The following PJA2 variants were observed in gnomAD, a reference collection of about 807,000 sequenced individuals.
PJA2 encodes the protein praja ring finger ubiquitin ligase 2.
A neutral mutation model predicts 69.3 loss-of-function variants in PJA2; 25 were observed. The observed-to-expected ratio is 0.36, with a 90% CI of 0.26 to 0.50. The LOEUF (loss-of-function observed/expected upper bound fraction) is 0.50, where lower values mean the gene tolerates loss of function less well. PJA2 is among the 20% of genes least tolerant of loss of function. PJA2 has a pLI of 0.96. For synonymous variants in PJA2, 308 were observed against 277.8 expected, an observed-to-expected ratio of 1.11 and a Z score of -1.08; for missense variants, 809 against 830.2, an observed-to-expected ratio of 0.97 and a Z score of 0.31.
rs1000005311 is a variant in PJA2, at chr5:109,335,055, A to T, written c.*2176T>A. 1 of 152,664 alleles carries T rather than the reference A, an allele frequency of 6.6e-6. No homozygotes were observed. Among genetic ancestry groups the T allele is most frequent in the Non-Finnish European group, 1.5e-5 (1 of 68,040 alleles). 9.5% of individuals were successfully genotyped at this position (152,664 alleles called of 1,614,324 possible). A position where few individuals can be genotyped will look rare whatever the true frequency, so the allele number is the denominator to read the frequency against. ...GATAAATGCTATTTTATTAATATTCATACTTATTTCTAATTTACCTTCATA... is the reference window on the plus strand; with the variant it reads ...GATAAATGCTATTTTATTAATATTCTTACTTATTTCTAATTTACCTTCATA... On this transcript the variant is annotated 3_prime_UTR_variant, in exon 10 of 10. Transcript: ENST00000361189.
At chr5:109,398,783 AAAAAAG>A (rs1487841538) in intron 1 of PJA2, among the ~76,000 whole-genome samples, 2 of 152,148 alleles carry the variant, frequency 1.3e-5, no homozygotes, top group South Asian at 2.1e-4. Context: ...TAATTTAAAA[AAAAAAG>A]AAAAAGAAAA....
chr5:109,395,435 G>A (rs1747385117), intron 1 of PJA2, among the ~76,000 whole-genome samples: 1 of 152,132 alleles, frequency 6.6e-6, no homozygotes, highest in Admixed American at 6.5e-5. Flanking sequence ...GGCTGAGGTG[G>A]GAGGTCACGT....
chr5:109,406,630 T>C (rs1452851327), intron 1 of PJA2, among the ~76,000 whole-genome samples: 1 of 152,134 alleles, frequency 6.6e-6, no homozygotes, highest in Non-Finnish European at 1.5e-5. Flanking sequence ...CTTATAAACA[T>C]CCATGTATCA....
chr5:109,345,854 T>C (rs1204293729), intron 7 of PJA2, among the ~76,000 whole-genome samples: 1 of 152,250 alleles, frequency 6.6e-6, no homozygotes, highest in East Asian at 1.9e-4. Flanking sequence ...GTCAAATTAC[T>C]GTTCTAAGAA....
intron 1 of PJA2, among the ~76,000 whole-genome samples, chr5:109,402,044 A>G (rs573905316): frequency 6.6e-6 from 1 of 152,320 alleles, no homozygotes. Flanking sequence ...TTGCTTCCAT[A>G]TGGTCTATTA....
intron 1 of PJA2, among the ~76,000 whole-genome samples, chr5:109,400,288 CAA>C (rs552298335): frequency 8.1e-5 from 9 of 111,194 alleles, no homozygotes; most frequent in Admixed American, 9.5e-5. Context: ...GAGACTGTCT[CAA>C]AAAAAAAAAA....
rs1339298267 is a variant in PJA2 at position 109,379,081 on chromosome 5, T to C, written c.406A>G (p.Thr136Ala). ...EEGRDTLGSS[T>A]NLHNHSEGEY... ...CCCTCAGAGTGATTATGAAGATTTGTACTGCTTCCTAAGGTATCCCTGCCT... is the reference window on the plus strand; with the variant it reads ...CCCTCAGAGTGATTATGAAGATTTGCACTGCTTCCTAAGGTATCCCTGCCT... The change falls in exon 4 of 10, where the codon ACA becomes GCA. Residue 136 changes from threonine to alanine, a missense_variant. Around this residue, in one of 4 missense-constraint regions of PJA2, gnomAD observed 700 missense variants for 639.5 expected, o/e 1.09. Coordinates refer to ENST00000361189, the MANE Select transcript of PJA2 (RefSeq NM_014819.5). 1.9e-6 allele frequency: 3 copies of C among 1,614,106 alleles called. No individual in the cohort carries two copies. The highest frequency in any genetic ancestry group is 2.5e-6 in the Non-Finnish European group (3 of 1,180,012).
At chr5:109,354,102 A>G (rs62643547) in intron 7 of PJA2, among the ~76,000 whole-genome samples, 4,236 of 50,810 alleles carry the variant, frequency 0.083, 465 homozygotes, top group Non-Finnish European at 0.15. Flanking sequence ...ATCTAGAGAT[A>G]TCTATAGATT....
rs1747335691 is a variant in PJA2, at chr5:109,393,746, A to G, written c.-87-10226T>C. On this transcript the variant is annotated intron_variant, in intron 1 of 9. Coordinates refer to ENST00000361189, the MANE Select transcript of PJA2 (RefSeq NM_014819.5). ...AAAATGGGTGAATATAACAGAATAT[A>G]TTTGTAGGCAGAATACTACACAACA... Among the ~76,000 whole-genome samples, 3 of 152,090 alleles carry G rather than the reference A, an allele frequency of 2.0e-5. No homozygotes were observed. In the South Asian group the frequency reaches 6.2e-4, roughly 32 times the overall value.
chr5:109,380,086 C>CTTTTTT (rs35217352), intron 3 of PJA2, among the ~76,000 whole-genome samples: 2 of 74,228 alleles, frequency 2.7e-5, no homozygotes, highest in African/African-American at 5.1e-5. Context: ...ACGAAGGGTT[C>CTTTTTT]TTTTTTTTTT....
In PJA2 at chr5:109,336,813, T is replaced by A. The variant is rs1427506977; in HGVS notation, c.*418A>T. The A allele has an allele frequency of 2.0e-5, 3 of 152,666 alleles. No homozygotes were observed. In the East Asian group the frequency reaches 5.7e-4, roughly 29 times the overall value. 9.5% of individuals were successfully genotyped at this position (152,666 alleles called of 1,614,324 possible). ...GAAAAAGCATACTTTAGAATTTGTT[T>A]CATTTCCAATGAAACCAAATTTTAC... On this transcript the variant is annotated 3_prime_UTR_variant, in exon 10 of 10. Transcript: ENST00000361189.
intron 8 of PJA2, 56 bp from the exon 9 acceptor site, chr5:109,344,367 G>GA: frequency 2.0e-6 from 3 of 1,535,046 alleles, no homozygotes; most frequent in Non-Finnish European, 2.6e-6. Flanking sequence ...TAGTAAAACT[G>GA]AAAAGCAACA....
At chr5:109,408,288 G>A (rs79612120) in intron 1 of PJA2, among the ~76,000 whole-genome samples, 2,861 of 152,030 alleles carry the variant, frequency 0.019, 61 homozygotes, top group Non-Finnish European at 0.025. Flanking sequence ...ATTAAACATC[G>A]ATCAATAAAT....
intron 1 of PJA2, among the ~76,000 whole-genome samples, chr5:109,406,659 ATGTC>A (rs1339978433): frequency 6.6e-6 from 1 of 152,230 alleles, no homozygotes; most frequent in African/African-American, 2.4e-5. Context: ...AACAAGTTCC[ATGTC>A]TAGGTATTTA....
At chr5:109,341,097 A>G (rs76380279) in intron 9 of PJA2, among the ~76,000 whole-genome samples, 60,005 of 88,740 alleles carry the variant, frequency 0.68, 19,986 homozygotes, top group African/African-American at 0.78. Flanking sequence ...CTGCCTGGCC[A>G]CCCATCGTCT....
In PJA2 at chr5:109,340,613, T is replaced by TGGGTCC. The variant is rs1378610823; in HGVS notation, c.2002-3263_2002-3258dup. On this transcript the variant is annotated intron_variant, in intron 9 of 9. Coordinates refer to ENST00000361189, the MANE Select transcript of PJA2 (RefSeq NM_014819.5). ...TAATTCAAATATGCTTAAGATTTATTGGGTCCCTCCCCCTCCCCCTCCCCC... is the reference window on the plus strand; with the variant it reads ...TAATTCAAATATGCTTAAGATTTATTGGGTCCGGGTCCCTCCCCCTCCCCCTCCCCC... Among the ~76,000 whole-genome samples, 69 of 88,584 alleles carry TGGGTCC rather than the reference T, an allele frequency of 7.8e-4. 3 individuals carry two copies. The highest frequency in any genetic ancestry group is 1.8e-3 in the Admixed American group (14 of 7,826). 58.1% of individuals were successfully genotyped at this position (88,584 alleles called of 152,430 possible). A position where few individuals can be genotyped will look rare whatever the true frequency, so the allele number is the denominator to read the frequency against.
At chr5:109,354,494 A>G (rs61267383) in intron 7 of PJA2, among the ~76,000 whole-genome samples, 968 of 64,686 alleles carry the variant, frequency 0.015, 109 homozygotes, top group African/African-American at 0.019. Flanking sequence ...AGATATCTAT[A>G]ATATCATAGA....
intron 9 of PJA2, among the ~76,000 whole-genome samples, chr5:109,341,246 C>T (rs1407808243): frequency 1.3e-5 from 2 of 148,624 alleles, no homozygotes; most frequent in Non-Finnish European, 3.0e-5. Context: ...AGCATCTCTG[C>T]CCGGCCGCCC....
chr5:109,375,501 C>A (rs1746842652), intron 4 of PJA2, among the ~76,000 whole-genome samples: 1 of 151,936 alleles, frequency 6.6e-6, no homozygotes, highest in African/African-American at 2.4e-5. Context: ...GAGAGAAACT[C>A]TGTCTCGAAA....
Sources: allele counts gnomAD v4.1 joint callset (sites outside exome capture counted in the v4.1 genomes callset), GRCh38; gene constraint gnomAD v4.1.1; regional missense constraint gnomAD v4.1.1; transcripts MANE v1.5; gene names NCBI Gene and HGNC (gene_info 2026-07-23, HGNC 2026-07-21).